The following HTR7 variants were observed in gnomAD, a reference collection of about 807,000 sequenced individuals.
HTR7 encodes 5-hydroxytryptamine receptor 7.
A neutral mutation model predicts 34.0 loss-of-function variants in HTR7; 16 were observed. The ratio of observed to expected loss-of-function variants is 0.47; its 90% CI spans 0.32 to 0.71. HTR7 has a LOEUF of 0.71. Among genes scored for constraint, HTR7 ranks in the 30% least tolerant of loss-of-function variants. The probability of loss-of-function intolerance (pLI) is 0.04; values close to 1 mark genes in which losing one functional copy is unlikely to be tolerated. For synonymous variants in HTR7, 265 were observed against 260.2 expected, an observed-to-expected ratio of 1.02 and a Z score of -0.18; for missense variants, 504 against 625.5, an observed-to-expected ratio of 0.81 and a Z score of 2.07.
intron 1 of HTR7, among the ~76,000 whole-genome samples, chr10:90,838,755 T>C (rs1846286367): frequency 6.6e-6 from 1 of 152,228 alleles, no homozygotes; most frequent in Admixed American, 6.5e-5. Context: ...AAAGTTCTTT[T>C]TCCTGATCTT....
chr10:90,782,755 A>T (rs1002918622), intron 1 of HTR7, among the ~76,000 whole-genome samples: 4 of 152,214 alleles, frequency 2.6e-5, no homozygotes, highest in African/African-American at 7.2e-5. Flanking sequence ...ACAATTTTCT[A>T]ATATTTTCTA....
chr10:90,754,909 TC>T (rs2119695349), intron 1 of HTR7, among the ~76,000 whole-genome samples: 1 of 152,308 alleles, frequency 6.6e-6, no homozygotes, highest in South Asian at 2.1e-4. Context: ...TCCAGGAGAT[TC>T]CTCCCTTGCA....
At chr10:90,830,217 A>G (rs1846144652) in intron 1 of HTR7, among the ~76,000 whole-genome samples, 1 of 152,258 alleles carries the variant, frequency 6.6e-6, no homozygotes, top group Non-Finnish European at 1.5e-5. Context: ...CTTCCTTTGA[A>G]GAAGATCCTG....
At chr10:90,792,903 A>T (rs888645446) in intron 1 of HTR7, among the ~76,000 whole-genome samples, 5 of 152,092 alleles carry the variant, frequency 3.3e-5, no homozygotes, top group Non-Finnish European at 5.9e-5. Flanking sequence ...AACGACAAAA[A>T]AAATGAACTG....
intron 1 of HTR7, among the ~76,000 whole-genome samples, chr10:90,786,877 T>TC (rs1845387612): frequency 6.6e-6 from 1 of 152,224 alleles, no homozygotes; most frequent in South Asian, 2.1e-4. Context: ...ATGAAAGGTC[T>TC]TCATGGACGC....
At chr10:90,822,053 T>A (rs1021338777) in intron 1 of HTR7, among the ~76,000 whole-genome samples, 1 of 152,152 alleles carries the variant, frequency 6.6e-6, no homozygotes, top group Middle Eastern at 3.4e-3. Context: ...AACTAATACA[T>A]AAAATTGGTA....
intron 1 of HTR7, among the ~76,000 whole-genome samples, chr10:90,801,633 C>T (rs1426915386): frequency 6.6e-6 from 1 of 152,164 alleles, no homozygotes; most frequent in Non-Finnish European, 1.5e-5. Context: ...TTCAGAGGGT[C>T]AAGGGGAAAG....
intron 2 of HTR7, 199 bp from the exon 3 acceptor site, chr10:90,743,889 A>C (rs1201994986): frequency 2.9e-6 from 2 of 697,984 alleles, no homozygotes; most frequent in Admixed American, 2.0e-5. Flanking sequence ...CCATCTATTC[A>C]CTTCATTACC....
At chr10:90,831,248 T>C (rs1029816720) in intron 1 of HTR7, among the ~76,000 whole-genome samples, 9 of 152,290 alleles carry the variant, frequency 5.9e-5, no homozygotes, top group Admixed American at 5.9e-4. Flanking sequence ...TTACAGTTCT[T>C]AAAGGCAGCG....
In HTR7 at chr10:90,749,672, A is replaced by G. The variant is rs1248702765; in HGVS notation, c.540-78T>C. ...ACCAAGCAAGTCCTGCCAGCCAGGT[A>G]CCAGCGCCAGTCCTCGCAACAGCCC... On this transcript the variant is annotated intron_variant, in intron 1 of 3. Coordinates refer to ENST00000336152, the MANE Select transcript of HTR7 (RefSeq NM_019859.4). This position sits in a 1 kb window ranked among gnomAD's most constrained non-coding sequence, Gnocchi z 4.2. 2 of 1,404,056 alleles carry G rather than the reference A, an allele frequency of 1.4e-6. No homozygotes were observed. Among genetic ancestry groups the G allele is most frequent in the Non-Finnish European group, 1.9e-6 (2 of 1,028,484 alleles). The allele number at this position is 1,404,056 out of a possible 1,614,324, so 87.0% of individuals were successfully genotyped here.
At chr10:90,800,414 A>G (rs1316040568) in intron 1 of HTR7, among the ~76,000 whole-genome samples, 2 of 152,188 alleles carry the variant, frequency 1.3e-5, no homozygotes, top group African/African-American at 4.8e-5. Context: ...AGTCACAGTG[A>G]CAAGGGATAG....
intron 2 of HTR7, among the ~76,000 whole-genome samples, chr10:90,747,756 G>T (rs1192962624): frequency 6.6e-6 from 1 of 152,164 alleles, no homozygotes; most frequent in African/African-American, 2.4e-5. Flanking sequence ...ACTCCTCCCT[G>T]CCAGGCTCAG....
chr10:90,776,774 A>C (rs1845219191), intron 1 of HTR7, among the ~76,000 whole-genome samples: 1 of 152,206 alleles, frequency 6.6e-6, no homozygotes, highest in Non-Finnish European at 1.5e-5. Flanking sequence ...TATTAGGTAG[A>C]TATCCACTTA....
chr10:90,776,968 G>C (rs892932203), intron 1 of HTR7, among the ~76,000 whole-genome samples: 9 of 152,166 alleles, frequency 5.9e-5, no homozygotes, highest in Admixed American at 2.6e-4. Flanking sequence ...TGGCAAATGA[G>C]AGCAATTAAT....
chr10:90,840,816 G>A (rs1027912375), intron 1 of HTR7, among the ~76,000 whole-genome samples: 1 of 152,204 alleles, frequency 6.6e-6, no homozygotes, highest in Non-Finnish European at 1.5e-5. Flanking sequence ...CTATGTCATA[G>A]ATGACTATCC....
chr10:90,776,771 T>C lies in HTR7; in HGVS notation c.540-27177A>G, dbSNP rs1049248036. ...AAAAATCTTTCTAAAATATATTAGG[T>C]AGATATCCACTTAGATAAGTATGGT... On this transcript the variant is annotated intron_variant, in intron 1 of 3. Coordinates refer to ENST00000336152, the MANE Select transcript of HTR7 (RefSeq NM_019859.4). 7.2e-5 allele frequency among the ~76,000 whole-genome samples: 11 copies of C among 152,326 alleles called. No individual in the cohort carries two copies. In the East Asian group the frequency reaches 1.2e-3, roughly 16 times the overall value.
At chr10:90,828,693 T>C (rs1419688161) in intron 1 of HTR7, among the ~76,000 whole-genome samples, 1 of 151,962 alleles carries the variant, frequency 6.6e-6, no homozygotes, top group African/African-American at 2.4e-5. Context: ...AGATAGAAGC[T>C]GTAATAAAGA....
chr10:90,814,057 C>T (rs145772186), intron 1 of HTR7, among the ~76,000 whole-genome samples: 24 of 152,284 alleles, frequency 1.6e-4, no homozygotes, highest in African/African-American at 5.3e-4. Flanking sequence ...ATTAAACCTC[C>T]GCTCCTAAAC....
At chr10:90,825,329 T>C (rs117293027) in intron 1 of HTR7, among the ~76,000 whole-genome samples, 2,667 of 152,236 alleles carry the variant, frequency 0.018, 41 homozygotes, top group Middle Eastern at 0.068. Flanking sequence ...ACCAAAAACT[T>C]AGATCACAAC....
Sources: gnomAD v4.1 joint callset for allele counts (sites outside exome capture counted in the v4.1 genomes callset) on GRCh38, gnomAD v4.1.1 for gene constraint, Gnocchi (gnomAD v3.1) non-coding constraint, MANE v1.5 for transcripts, NCBI Gene and HGNC (gene_info 2026-07-23, HGNC 2026-07-21) for gene names.